MACROD2: variants seen among roughly 807,000 people sequenced by gnomAD.
MACROD2 encodes ADP-ribose glycohydrolase MACROD2.
MACROD2 carries 36 observed loss-of-function variants against 70.4 expected under a neutral mutation model. The observed-to-expected ratio is 0.51, with a 90% confidence interval of 0.39 to 0.68. The LOEUF (loss-of-function observed/expected upper bound fraction) is 0.68. Ranked by LOEUF, MACROD2 falls within the 30% of genes least tolerant of loss-of-function variation. The probability of loss-of-function intolerance (pLI) is 0.00; values close to 1 mark genes in which losing one functional copy is unlikely to be tolerated. For synonymous variants in MACROD2, 172 were observed against 178.8 expected (o/e 0.96, Z 0.30); for missense variants, 496 against 538.4 (o/e 0.92, Z 0.78).
At chr20:14,943,177 A>G (rs1286690914) in intron 5 of MACROD2, among the ~76,000 whole-genome samples, 1 of 152,212 alleles carries the variant, frequency 6.6e-6, no homozygotes, top group Non-Finnish European at 1.5e-5. Flanking sequence ...GTCTGCACCA[A>G]CTAGTTGTTG....
At chr20:15,657,165 T>G (rs1397011951) in intron 8 of MACROD2, among the ~76,000 whole-genome samples, 1 of 152,040 alleles carries the variant, frequency 6.6e-6, no homozygotes, top group Non-Finnish European at 1.5e-5. Flanking sequence ...ACATGGAAAA[T>G]TTAAAAATTA....
intron 5 of MACROD2, among the ~76,000 whole-genome samples, chr20:15,178,921 G>T (rs1184892502): frequency 6.6e-6 from 1 of 152,228 alleles, no homozygotes; most frequent in East Asian, 1.9e-4. Context: ...AACAGCTGAA[G>T]AAGAGGATGG....
intron 8 of MACROD2, among the ~76,000 whole-genome samples, chr20:15,684,559 G>T (rs2050202131): frequency 6.6e-6 from 1 of 152,134 alleles, no homozygotes; most frequent in Non-Finnish European, 1.5e-5. Context: ...CATTTATTCT[G>T]ATTTTTGATC....
intron 5 of MACROD2, among the ~76,000 whole-genome samples, chr20:15,005,378 G>C (rs2075027680): frequency 6.6e-6 from 1 of 152,178 alleles, no homozygotes; most frequent in Non-Finnish European, 1.5e-5. Context: ...AGTGTCCTCT[G>C]TACAGACTTG....
At chr20:15,828,813 G>A (rs1237265373) in intron 8 of MACROD2, among the ~76,000 whole-genome samples, 1 of 152,156 alleles carries the variant, frequency 6.6e-6, no homozygotes, top group Non-Finnish European at 1.5e-5. Flanking sequence ...ACATTTAGTA[G>A]GCACTTAAAT....
intron 5 of MACROD2, among the ~76,000 whole-genome samples, chr20:15,189,780 A>C (rs879349686): frequency 6.6e-6 from 1 of 152,244 alleles, no homozygotes; most frequent in African/African-American, 2.4e-5. Context: ...TGTAGGTATA[A>C]TAAATGAGAA....
At chr20:15,045,321 A>ACCC (rs1453451464) in intron 5 of MACROD2, among the ~76,000 whole-genome samples, 2 of 152,164 alleles carry the variant, frequency 1.3e-5, no homozygotes, top group African/African-American at 4.8e-5. Flanking sequence ...AACATCCAGT[A>ACCC]AAATGGGACA....
chr20:15,751,757 G>A (rs2146982106), intron 8 of MACROD2, among the ~76,000 whole-genome samples: 1 of 151,902 alleles, frequency 6.6e-6, no homozygotes, highest in South Asian at 2.1e-4. Flanking sequence ...CTGACCAGAA[G>A]ATCCAGGAAT....
chr20:15,356,006 T>C (rs2078282960), intron 6 of MACROD2, among the ~76,000 whole-genome samples: 2 of 152,298 alleles, frequency 1.3e-5, no homozygotes, highest in Non-Finnish European at 2.9e-5. Flanking sequence ...CTTCCTGGGC[T>C]CAGACTTTTC....
chr20:15,664,674 A>G (rs1427754867), intron 8 of MACROD2, among the ~76,000 whole-genome samples: 4 of 152,156 alleles, frequency 2.6e-5, no homozygotes, highest in Non-Finnish European at 5.9e-5. Context: ...CTGGAACCTC[A>G]GGCTGAGGAG....
At chr20:14,315,870 G>A (rs2082608001) in intron 3 of MACROD2, among the ~76,000 whole-genome samples, 1 of 152,170 alleles carries the variant, frequency 6.6e-6, no homozygotes, top group Non-Finnish European at 1.5e-5. Context: ...TAAAAGCATG[G>A]AGTAAATATG....
chr20:15,143,179 T>C (rs546126473), intron 5 of MACROD2, among the ~76,000 whole-genome samples: 250 of 152,268 alleles, frequency 1.6e-3, no homozygotes, highest in African/African-American at 5.8e-3. Flanking sequence ...ACCTGTTGTT[T>C]CCTGACTTTT....
At chr20:15,169,146 A>T (rs947801376) in intron 5 of MACROD2, among the ~76,000 whole-genome samples, 4 of 152,162 alleles carry the variant, frequency 2.6e-5, no homozygotes, top group Non-Finnish European at 5.9e-5. Flanking sequence ...AAATTGGTTA[A>T]AAGGGTACAT....
chr20:15,182,950 A>T (rs1345364919), intron 5 of MACROD2, among the ~76,000 whole-genome samples: 3 of 152,158 alleles, frequency 2.0e-5, no homozygotes, highest in African/African-American at 7.2e-5. Context: ...TGGTCAATTC[A>T]TCATTTTTTC....
intron 5 of MACROD2, among the ~76,000 whole-genome samples, chr20:15,077,952 A>G (rs534286389): frequency 1.3e-5 from 2 of 152,224 alleles, no homozygotes; most frequent in East Asian, 1.9e-4. Flanking sequence ...AGGCATTCTC[A>G]GAAAGCTCAC....
intron 7 of MACROD2, among the ~76,000 whole-genome samples, chr20:15,441,892 T>C (rs1349134410): frequency 6.6e-6 from 1 of 152,178 alleles, no homozygotes; most frequent in Non-Finnish European, 1.5e-5. Flanking sequence ...GCTAGGAAAT[T>C]ACAGAGCCAA....
intron 3 of MACROD2, among the ~76,000 whole-genome samples, chr20:14,269,105 G>A (rs1301482524): frequency 1.3e-5 from 2 of 152,086 alleles, no homozygotes; most frequent in African/African-American, 2.4e-5. Flanking sequence ...TTGGTGATAC[G>A]AGCTGCTTTG....
intron 15 of MACROD2, among the ~76,000 whole-genome samples, chr20:16,039,578 C>A (rs1312346177): frequency 6.6e-6 from 1 of 151,822 alleles, no homozygotes; most frequent in Non-Finnish European, 1.5e-5. Flanking sequence ...ATATTTTGTT[C>A]TTGCTCCCTA....
At chr20:15,995,192 A>G (rs937448867) in intron 15 of MACROD2, among the ~76,000 whole-genome samples, 1 of 152,146 alleles carries the variant, frequency 6.6e-6, no homozygotes, top group African/African-American at 2.4e-5. Flanking sequence ...TTTTATTCAT[A>G]CATTCCACAA....
Sources: allele counts gnomAD v4.1 joint callset (sites outside exome capture counted in the v4.1 genomes callset), GRCh38; gene constraint gnomAD v4.1.1; transcripts MANE v1.5; gene names NCBI Gene and HGNC (gene_info 2026-07-23, HGNC 2026-07-21).